CMIP: variants seen among roughly 807,000 people sequenced by gnomAD.
The protein encoded by CMIP is C-Maf-inducing protein.
A neutral mutation model predicts 97.3 loss-of-function variants in CMIP; 13 were observed. The observed-to-expected ratio is 0.13, with a 90% CI of 0.09 to 0.21. The LOEUF (loss-of-function observed/expected upper bound fraction) is 0.21, where lower values mean the gene tolerates loss of function less well. CMIP is among the 10% of genes least tolerant of loss of function. CMIP has a pLI of 1.00. For missense variants in CMIP, 847 were observed against 1,024.9 expected (o/e 0.83, Z 2.37); for synonymous variants, 538 against 436.3 (o/e 1.23, Z -2.91).
chr16:81,686,979 C>T (rs1905468345), intron 10 of CMIP, among the ~76,000 whole-genome samples: 1 of 151,958 alleles, frequency 6.6e-6, no homozygotes, highest in African/African-American at 2.4e-5. Flanking sequence ...CTCTGCAGCG[C>T]CTCCCCAACA....
rs2091887359 is a variant in CMIP at position 81,614,839 on chromosome 16, T to C, written c.427-6037T>C. ...GTGGTATGTATATGTGTATACGGTGTGTATGCACATGTATCTCTGTGTGTG... is the reference window on the plus strand; with the variant it reads ...GTGGTATGTATATGTGTATACGGTGCGTATGCACATGTATCTCTGTGTGTG... On this transcript the variant is annotated intron_variant, in intron 2 of 20. Transcript: ENST00000537098. The surrounding 1 kb of genome is among the most constrained non-coding windows in gnomAD (Gnocchi z 5.3). Among the ~76,000 whole-genome samples, 6 of 151,928 alleles carry C rather than the reference T, an allele frequency of 3.9e-5. No individual in the cohort carries two copies. In the South Asian group the frequency reaches 1.3e-3, roughly 32 times the overall value.
intron 1 of CMIP, among the ~76,000 whole-genome samples, chr16:81,490,201 C>T (rs185768183): frequency 6.6e-6 from 1 of 152,324 alleles, no homozygotes; most frequent in African/African-American, 2.4e-5. Context: ...GTAGTTAATT[C>T]ATTGGTTTTC....
intron 2 of CMIP, chr16:81,619,228 G>C (rs1190536503): frequency 6.6e-6 from 1 of 152,228 alleles, no homozygotes; most frequent in Non-Finnish European, 1.5e-5. Flanking sequence ...CAGGGTGGCT[G>C]GTGTGGATTC....
intron 7 of CMIP, among the ~76,000 whole-genome samples, chr16:81,667,793 A>AGTGTGTGTGT (rs1293557141): frequency 2.2e-4 from 20 of 89,564 alleles, no homozygotes; most frequent in East Asian, 1.2e-3. Flanking sequence ...AGAGAGAGAG[A>AGTGTGTGTGT]GAGAGAGTGT....
intron 3 of CMIP, among the ~76,000 whole-genome samples, chr16:81,649,808 G>C (rs577184962): frequency 5.3e-5 from 8 of 152,164 alleles, no homozygotes; most frequent in Non-Finnish European, 1.2e-4. Context: ...ATATAGGGTG[G>C]ATTTTGTGAG....
Position 81,627,899 on chromosome 16 carries a change from G to C in CMIP, c.477+6973G>C, listed in dbSNP as rs867834746. Among the ~76,000 whole-genome samples, 14 of 152,182 alleles carry C rather than the reference G, an allele frequency of 9.2e-5. No homozygotes were observed. The highest frequency in any genetic ancestry group is 3.4e-4 in the African/African-American group (14 of 41,442). On this transcript the variant is annotated intron_variant, in intron 3 of 20. Transcript: ENST00000537098. The surrounding 1 kb of genome is among the most constrained non-coding windows in gnomAD (Gnocchi z 4.6). ...TCAAAGTCCCCAGCACCAAGGCAAAGTGCCTGGGGCTCAGAGAGGGGAAGC... is the reference window on the plus strand; with the variant it reads ...TCAAAGTCCCCAGCACCAAGGCAAACTGCCTGGGGCTCAGAGAGGGGAAGC...
At chr16:81,647,857 C>T (rs1372396390) in intron 3 of CMIP, among the ~76,000 whole-genome samples, 1 of 151,936 alleles carries the variant, frequency 6.6e-6, no homozygotes, top group African/African-American at 2.4e-5. Context: ...CTCAGAGCCT[C>T]TTCTGGGAAC....
chr16:81,476,174 T>C (rs1907903744), intron 1 of CMIP: 1 of 1,195,130 alleles, frequency 8.4e-7, no homozygotes, highest in African/African-American at 1.5e-5. Context: ...GTCTTGGCAG[T>C]GCGTGTGGAA....
At chr16:81,613,300 A>G (rs879631174) in intron 2 of CMIP, among the ~76,000 whole-genome samples, 5 of 151,172 alleles carry the variant, frequency 3.3e-5, no homozygotes, top group African/African-American at 4.9e-5. Context: ...GGATGTCCCA[A>G]CCCAAGTCCT....
intron 20 of CMIP, among the ~76,000 whole-genome samples, chr16:81,708,544 A>G (rs1374581528): frequency 6.6e-6 from 1 of 152,172 alleles, no homozygotes; most frequent in Non-Finnish European, 1.5e-5. Flanking sequence ...TTTGAGAGAG[A>G]CATGGTGCCA....
intron 1 of CMIP, among the ~76,000 whole-genome samples, chr16:81,480,580 C>T (rs1384864256): frequency 6.6e-6 from 1 of 152,150 alleles, no homozygotes; most frequent in African/African-American, 2.4e-5. Flanking sequence ...AAAGCCCTGA[C>T]CCATTCTGCT....
chr16:81,454,802 A>G (rs1251298634), intron 1 of CMIP, among the ~76,000 whole-genome samples: 1 of 152,158 alleles, frequency 6.6e-6, no homozygotes, highest in Non-Finnish European at 1.5e-5. Flanking sequence ...GGAGGAAGAG[A>G]CGCCATCATG....
At chr16:81,492,908 G>A (rs2089427784) in intron 1 of CMIP, among the ~76,000 whole-genome samples, 2 of 152,062 alleles carry the variant, frequency 1.3e-5, no homozygotes, top group Admixed American at 1.3e-4. Context: ...CAGAAAGACA[G>A]ACACACAGAG....
chr16:81,659,612 C>T (rs192544751), intron 5 of CMIP, among the ~76,000 whole-genome samples: 178 of 152,288 alleles, frequency 1.2e-3, no homozygotes, highest in African/African-American at 3.4e-3. Context: ...TACTGCCTTC[C>T]TCTCCCTGCC....
intron 1 of CMIP, among the ~76,000 whole-genome samples, chr16:81,482,290 G>A (rs967843848): frequency 1.3e-5 from 2 of 152,176 alleles, no homozygotes; most frequent in Admixed American, 1.3e-4. Context: ...CCTTTGCCAT[G>A]TCAGGCCACA....
chr16:81,615,577 AGTGT>A (rs891372182), intron 2 of CMIP, among the ~76,000 whole-genome samples: 10 of 95,484 alleles, frequency 1.0e-4, no homozygotes, highest in East Asian at 3.5e-4. Flanking sequence ...GTGTGTGTAT[AGTGT>A]GTGTGTCTGT....
intron 1 of CMIP, among the ~76,000 whole-genome samples, chr16:81,456,993 G>A (rs1906589200): frequency 6.6e-6 from 1 of 152,134 alleles, no homozygotes; most frequent in African/African-American, 2.4e-5. Context: ...CTCCTCGCCT[G>A]AGACCACCTG....
chr16:81,626,470 G>T (rs1241603839), intron 3 of CMIP, among the ~76,000 whole-genome samples: 1 of 149,328 alleles, frequency 6.7e-6, no homozygotes, highest in Non-Finnish European at 1.5e-5. Context: ...TGTATGTGTG[G>T]CATGTGGGGT....
At chr16:81,653,877 T>G (rs543196921) in intron 4 of CMIP, among the ~76,000 whole-genome samples, 1 of 152,216 alleles carries the variant, frequency 6.6e-6, no homozygotes, top group Non-Finnish European at 1.5e-5. Flanking sequence ...CCTCCCAAAG[T>G]GAGACAGCCT....
Sources: allele counts gnomAD v4.1 joint callset (sites outside exome capture counted in the v4.1 genomes callset), GRCh38; gene constraint gnomAD v4.1.1; non-coding constraint Gnocchi (gnomAD v3.1); transcripts MANE v1.5; gene names NCBI Gene and HGNC (gene_info 2026-07-23, HGNC 2026-07-21).